The following UBE3D variants were observed in gnomAD, a reference collection of about 807,000 sequenced individuals.
UBE3D encodes E3 ubiquitin-protein ligase E3D.
In UBE3D, 48 loss-of-function variants were observed where a neutral mutation model predicts 49.6. The ratio of observed to expected loss-of-function variants is 0.97; its 90% CI spans 0.77 to 1.23. The LOEUF is 1.23. Among genes scored for constraint, UBE3D ranks in the 50% most tolerant of loss-of-function variants. The pLI, the probability that UBE3D is intolerant of heterozygous loss-of-function variation, is 0.00. For synonymous variants in UBE3D, 189 were observed against 174.2 expected (o/e 1.08, Z -0.67); for missense variants, 452 against 468.4 (o/e 0.96, Z 0.32).
intron 9 of UBE3D, among the ~76,000 whole-genome samples, chr6:82,948,337 C>T (rs555447207): frequency 6.6e-6 from 1 of 151,482 alleles, no homozygotes; most frequent in Admixed American, 6.6e-5. Context: ...ATGAAAAAAC[C>T]CTGAACAGAC....
At chr6:82,938,938 A>G (rs377653842) in intron 9 of UBE3D, among the ~76,000 whole-genome samples, 1 of 152,136 alleles carries the variant, frequency 6.6e-6, no homozygotes, top group South Asian at 2.1e-4. Flanking sequence ...TCCCAGCTAC[A>G]TGGGAGGCTG....
intron 8 of UBE3D, among the ~76,000 whole-genome samples, chr6:83,005,958 C>T (rs2127752106): frequency 6.6e-6 from 1 of 152,224 alleles, no homozygotes; most frequent in South Asian, 2.1e-4. Context: ...GGCACGGTGG[C>T]TCACACCTAT....
intron 9 of UBE3D, among the ~76,000 whole-genome samples, chr6:82,917,366 T>C (rs1161709543): frequency 6.6e-6 from 1 of 151,880 alleles, no homozygotes; most frequent in African/African-American, 2.4e-5. Context: ...AAAACATGCA[T>C]GCTAGATATG....
intron 8 of UBE3D, among the ~76,000 whole-genome samples, chr6:82,969,908 C>G (rs940336718): frequency 7.3e-5 from 11 of 151,338 alleles, no homozygotes; most frequent in Middle Eastern, 3.6e-3. Flanking sequence ...TTCCAGATAC[C>G]AAAACATATA....
intron 8 of UBE3D, among the ~76,000 whole-genome samples, chr6:82,990,317 G>A (rs1035363637): frequency 1.2e-4 from 18 of 151,932 alleles, no homozygotes; most frequent in African/African-American, 2.4e-4. Context: ...TCACTCTGTC[G>A]CCCAGGCTGG....
chr6:83,021,062 T>C lies in UBE3D; in HGVS notation c.846+1391A>G, dbSNP rs1028834749. Among the ~76,000 whole-genome samples the C allele has an allele frequency of 2.6e-5, 4 of 152,166 alleles. No individual in the cohort carries two copies. In the East Asian group the frequency reaches 5.8e-4, roughly 22 times the overall value. On this transcript the variant is annotated intron_variant, in intron 7 of 9. Coordinates refer to ENST00000369747, the MANE Select transcript of UBE3D (RefSeq NM_198920.3). ...GCTCTAGTGGTACATGCTGGGATGA[T>C]TGCTAGCCACAGAGCCTCTTCCTCA...
intron 1 of UBE3D, among the ~76,000 whole-genome samples, chr6:83,062,991 C>T (rs970016098): frequency 4.6e-5 from 7 of 151,994 alleles, no homozygotes; most frequent in African/African-American, 1.7e-4. Flanking sequence ...AATAAACCTG[C>T]CAAAACATCT....
chr6:82,956,636 G>C (rs1582460927), intron 9 of UBE3D, among the ~76,000 whole-genome samples: 1 of 152,178 alleles, frequency 6.6e-6, no homozygotes, highest in Non-Finnish European at 1.5e-5. Context: ...CACTAATAAT[G>C]GTTAAGATTC....
At chr6:83,022,125 C>G (rs183542216) in intron 7 of UBE3D, among the ~76,000 whole-genome samples, 9 of 152,176 alleles carry the variant, frequency 5.9e-5, no homozygotes, top group Non-Finnish European at 8.8e-5. Flanking sequence ...CTCCTGAGTT[C>G]AAGCGATTCT....
intron 8 of UBE3D, among the ~76,000 whole-genome samples, chr6:82,961,582 T>A (rs886590106): frequency 6.6e-6 from 1 of 152,206 alleles, no homozygotes; most frequent in East Asian, 1.9e-4. Context: ...CACTGACTGC[T>A]GAGGACACTG....
chr6:82,882,275 C>T, the UBE3D span, among the ~76,000 whole-genome samples: 2 of 152,112 alleles, frequency 1.3e-5, no homozygotes, highest in Admixed American at 1.3e-4. Flanking sequence ...TTCCTAAAAC[C>T]TTTTAACAGA....
At chr6:82,954,650 TA>T (rs1776034184) in intron 9 of UBE3D, among the ~76,000 whole-genome samples, 1 of 152,138 alleles carries the variant, frequency 6.6e-6, no homozygotes. Flanking sequence ...ATATAGCTCT[TA>T]AAAAATGTGC....
intron 7 of UBE3D, among the ~76,000 whole-genome samples, chr6:83,019,714 G>A (rs1247583848): frequency 6.6e-6 from 1 of 152,144 alleles, no homozygotes; most frequent in African/African-American, 2.4e-5. Context: ...ATAAGGCAGG[G>A]GAAAGAGCTA....
chr6:82,996,366 T>C (rs1296432869), intron 8 of UBE3D, among the ~76,000 whole-genome samples: 1 of 151,446 alleles, frequency 6.6e-6, no homozygotes, highest in Non-Finnish European at 1.5e-5. Context: ...AAAATCATAG[T>C]ATGGATTATA....
chr6:83,013,367 C>A (rs1024391124), intron 8 of UBE3D, among the ~76,000 whole-genome samples: 4 of 152,132 alleles, frequency 2.6e-5, no homozygotes, highest in African/African-American at 9.7e-5. Flanking sequence ...CAGCAGAGGC[C>A]CCCTTACGAG....
rs1344862231 is a variant in UBE3D, at chr6:82,892,490, A to G, written c.*532T>C. ...GATTTGCATAAATAGGAAATCCTTT[A>G]ATTTGATAATCATTCATTCAACAAA... On this transcript the variant is annotated 3_prime_UTR_variant, in exon 10 of 10. Coordinates refer to ENST00000369747, the MANE Select transcript of UBE3D (RefSeq NM_198920.3). The G allele has an allele frequency of 1.3e-5, 2 of 156,888 alleles. No homozygotes were observed. Among genetic ancestry groups the G allele is most frequent in the African/African-American group, 4.8e-5 (2 of 41,470 alleles). The allele number at this position is 156,888 out of a possible 1,614,324, so 9.7% of individuals were successfully genotyped here.
intron 9 of UBE3D, among the ~76,000 whole-genome samples, chr6:82,925,433 A>C (rs936156307): frequency 5.9e-5 from 9 of 152,168 alleles, no homozygotes; most frequent in Non-Finnish European, 1.2e-4. Context: ...CTTCCTGTGA[A>C]GCCAGGACAG....
intron 9 of UBE3D, among the ~76,000 whole-genome samples, chr6:82,941,352 A>C (rs895563744): frequency 6.8e-6 from 1 of 147,090 alleles, no homozygotes; most frequent in Non-Finnish European, 1.5e-5. Context: ...CATGACTTAA[A>C]AAAAAATAAT....
At chr6:82,902,413 C>G (rs1363008973) in intron 9 of UBE3D, among the ~76,000 whole-genome samples, 1 of 152,152 alleles carries the variant, frequency 6.6e-6, no homozygotes, top group Non-Finnish European at 1.5e-5. Flanking sequence ...AATTGTTGTA[C>G]AGCCACACCA....
Sources: allele counts gnomAD v4.1 joint callset (sites outside exome capture counted in the v4.1 genomes callset), GRCh38; gene constraint gnomAD v4.1.1; transcripts MANE v1.5; gene names NCBI Gene and HGNC (gene_info 2026-07-23, HGNC 2026-07-21).